Variants in TRERF1 observed in about 807,000 individuals in gnomAD.
TRERF1 encodes the protein transcriptional regulating factor 1, also known as transcriptional-regulating factor 1.
A neutral mutation model predicts 122.9 loss-of-function variants in TRERF1; 27 were observed. The ratio of observed to expected loss-of-function variants is 0.22; its 90% confidence interval spans 0.16 to 0.30. The LOEUF is 0.30. Ranked by LOEUF, TRERF1 falls within the 10% of genes least tolerant of loss-of-function variation. The pLI is 1.00. For synonymous variants in TRERF1, 636 were observed against 641.7 expected, an observed-to-expected ratio of 0.99 and a Z score of 0.13; for missense variants, 1,248 against 1,560.3, an observed-to-expected ratio of 0.80 and a Z score of 3.37.
intron 2 of TRERF1, among the ~76,000 whole-genome samples, chr6:42,379,128 A>AT (rs1331252072): frequency 8.1e-6 from 1 of 123,248 alleles, no homozygotes; most frequent in East Asian, 2.0e-4. Context: ...TCAAAAAAAA[A>AT]TTTTTTTAAT....
At chr6:42,297,115 A>G (rs2150203499) in intron 4 of TRERF1, among the ~76,000 whole-genome samples, 1 of 152,318 alleles carries the variant, frequency 6.6e-6, no homozygotes, top group East Asian at 1.9e-4. Flanking sequence ...TGCTAGGCCT[A>G]TGGCTACACC....
intron 2 of TRERF1, among the ~76,000 whole-genome samples, chr6:42,385,462 A>G (rs1042685192): frequency 1.1e-4 from 17 of 152,234 alleles, no homozygotes; most frequent in Non-Finnish European, 1.9e-4. Context: ...GTGGACAGGC[A>G]GGCAGAACCC....
At chr6:42,266,957 C>T (rs1561865908) in intron 5 of TRERF1, among the ~76,000 whole-genome samples, 4 of 152,212 alleles carry the variant, frequency 2.6e-5, no homozygotes, top group Non-Finnish European at 5.9e-5. Context: ...CTTTCCCAGC[C>T]TGGATCATGT....
At chr6:42,240,613 A>G (rs1378334646) in intron 15 of TRERF1, among the ~76,000 whole-genome samples, 1 of 152,236 alleles carries the variant, frequency 6.6e-6, no homozygotes, top group East Asian at 1.9e-4. Context: ...TTCCTGTAAA[A>G]TGGTGAAATT....
chr6:42,236,331 C>T (rs1388688361), exon 16 of TRERF1: 1 of 1,595,646 alleles, frequency 6.3e-7, no homozygotes, highest in Admixed American at 1.8e-5. Context: ...GCACCTCACT[C>T]TCTTCTTCTT....
At position 42,228,425 on chromosome 6, in the gene TRERF1, C is replaced by T. The variant is rs777636088; in HGVS notation, c.3523G>A (p.Glu1175Lys). The T allele has an allele frequency of 6.2e-7, 1 of 1,614,218 alleles. No individual in the cohort carries two copies. The highest frequency in any genetic ancestry group is 2.2e-5 in the East Asian group (1 of 44,870). ...TCGGTGTCCACAACTTCAGCCTCTT[C>T]CATGACACCTCCCAACTGCTGGACG... Residue 1175 changes from glutamate (E) to lysine (K), a missense_variant, in exon 18 of 18, where the codon GAA (glutamate) becomes AAA (lysine). Transcript: ENST00000372922. The surrounding 1 kb of genome is among the most constrained non-coding windows in gnomAD (Gnocchi z 4.2).
intron 3 of TRERF1, among the ~76,000 whole-genome samples, chr6:42,321,774 T>G (rs1763498336): frequency 1.3e-5 from 2 of 152,174 alleles, no homozygotes; most frequent in Admixed American, 6.5e-5. Context: ...TCTAAATCTT[T>G]TATAAAAAAA....
At chr6:42,388,488 A>G (rs974928916) in intron 2 of TRERF1, among the ~76,000 whole-genome samples, 1 of 152,088 alleles carries the variant, frequency 6.6e-6, no homozygotes, top group African/African-American at 2.4e-5. Context: ...GCTGCCATAG[A>G]AAGCTGAAAA....
chr6:42,228,459 G>A lies in TRERF1; in HGVS notation c.3489C>T (p.Asp1163=), dbSNP rs767921191. Residue 1163 remains aspartate (D), a synonymous_variant, in exon 18 of 18, where the codon GAC becomes GAT. Coordinates refer to ENST00000372922, the Ensembl canonical transcript of TRERF1. This position sits in a 1 kb window ranked among gnomAD's most constrained non-coding sequence, Gnocchi z 4.2. ...CTCCCAACTGCTGGACGACGTCGTC[G>A]TCGAGGATGTCCACATCCTTGATGG... 14 of 1,614,190 alleles carry A rather than the reference G, an allele frequency of 8.7e-6. No homozygotes were observed. Among genetic ancestry groups the A allele is most frequent in the Middle Eastern group, 1.7e-4 (1 of 6,060 alleles).
intron 3 of TRERF1, among the ~76,000 whole-genome samples, chr6:42,329,144 G>T (rs552041002): frequency 6.6e-6 from 1 of 152,040 alleles, no homozygotes; most frequent in East Asian, 2.0e-4. Context: ...ATCAGGTCAG[G>T]TGGTCCAACT....
At chr6:42,450,939 G>A (rs1788366760) in intron 2 of TRERF1, among the ~76,000 whole-genome samples, 1 of 152,142 alleles carries the variant, frequency 6.6e-6, no homozygotes, top group Non-Finnish European at 1.5e-5. Flanking sequence ...CTTTAAGCCA[G>A]GGTTGCCAAT....
At chr6:42,251,954 A>T (rs1322807995) in intron 13 of TRERF1, among the ~76,000 whole-genome samples, 3 of 152,198 alleles carry the variant, frequency 2.0e-5, no homozygotes, top group Non-Finnish European at 2.9e-5. Context: ...ATCTAATCAC[A>T]ACCAGGCTTC....
chr6:42,272,319 T>C (rs1333495301), intron 4 of TRERF1, among the ~76,000 whole-genome samples: 1 of 151,992 alleles, frequency 6.6e-6, no homozygotes, highest in Non-Finnish European at 1.5e-5. Context: ...AGGGGTTGCA[T>C]TTGGTGGAGT....
rs1394321008 is a variant in TRERF1, at chr6:42,313,425, CTCTCTCTCTGTT to C, written c.-370-12688_-370-12677del. Among the ~76,000 whole-genome samples, 11 of 152,298 alleles carry C rather than the reference CTCTCTCTCTGTT, an allele frequency of 7.2e-5. No individual in the cohort carries two copies. In the South Asian group the frequency reaches 1.2e-3, roughly 17 times the overall value. On this transcript the variant is annotated intron_variant, in intron 3 of 17. Coordinates refer to ENST00000372922, the Ensembl canonical transcript of TRERF1. ...GGAACTCAATTGCTAAGCCTCATCT[CTCTCTCTCTGTT>C]TCTCTCTCTTTCCTTGGAGCGATTA...
At chr6:42,236,134 T>C in intron 16 of TRERF1, 71 bp downstream of exon 16, 1 of 1,496,876 alleles carries the variant, frequency 6.7e-7, no homozygotes, top group Non-Finnish European at 8.9e-7. Flanking sequence ...AAATACATCA[T>C]CTCTTAAAGC....
In TRERF1 at chr6:42,228,783, C is replaced by T. The variant is rs1769946612; in HGVS notation, c.3279-114G>A. ...TGGTCTGACAAAGTCCCTGGCTGCT[C>T]GGCTTCTAGGACCTCCTTCCCCTGT... On this transcript the variant is annotated intron_variant, in intron 17 of 17. Transcript: ENST00000372922. The surrounding 1 kb of genome is among the most constrained non-coding windows in gnomAD (Gnocchi z 4.2). 13 of 1,064,278 alleles carry T rather than the reference C, an allele frequency of 1.2e-5. No individual in the cohort carries two copies. Among genetic ancestry groups the T allele is most frequent in the East Asian group, 4.8e-5 (2 of 41,984 alleles). 65.9% of individuals were successfully genotyped at this position (1,064,278 alleles called of 1,614,324 possible).
intron 3 of TRERF1, among the ~76,000 whole-genome samples, chr6:42,328,951 G>A (rs1221334018): frequency 6.6e-6 from 1 of 152,082 alleles, no homozygotes; most frequent in Non-Finnish European, 1.5e-5. Context: ...TATGATAAGT[G>A]GGGAGGAAAG....
intron 2 of TRERF1, among the ~76,000 whole-genome samples, chr6:42,428,414 G>A (rs949610199): frequency 4.6e-5 from 7 of 152,318 alleles, no homozygotes; most frequent in East Asian, 1.9e-4. Flanking sequence ...ATGAAAGGAG[G>A]TGAAACTCAA....
intron 2 of TRERF1, among the ~76,000 whole-genome samples, chr6:42,374,609 A>T (rs1774474316): frequency 6.6e-6 from 1 of 152,116 alleles, no homozygotes; most frequent in Non-Finnish European, 1.5e-5. Context: ...ACAGAGCAAG[A>T]CCTACATCCA....
Sources: gnomAD v4.1 joint callset for allele counts (sites outside exome capture counted in the v4.1 genomes callset) on GRCh38, gnomAD v4.1.1 for gene constraint, Gnocchi (gnomAD v3.1) non-coding constraint, MANE v1.5 for transcripts, NCBI Gene and HGNC (gene_info 2026-07-23, HGNC 2026-07-21) for gene names.